Variants in MAPK10 observed in about 807,000 individuals in gnomAD.
MAPK10 encodes the protein JNK3 alpha protein kinase.
A neutral mutation model predicts 59.3 loss-of-function variants in MAPK10; 25 were observed. The ratio of observed to expected loss-of-function variants is 0.42; its 90% CI spans 0.31 to 0.59. The LOEUF (loss-of-function observed/expected upper bound fraction) is 0.59. Among genes scored for constraint, MAPK10 ranks in the 20% least tolerant of loss-of-function variants. The probability of loss-of-function intolerance (pLI) is 0.15; values close to 1 mark genes in which losing one functional copy is unlikely to be tolerated. For missense variants in MAPK10, 351 were observed against 568.9 expected, an observed-to-expected ratio of 0.62 and a Z score of 3.90; for synonymous variants, 190 against 200.5, an observed-to-expected ratio of 0.95 and a Z score of 0.44.
chr4:86,381,007 T>C (rs1740623040), intron 1 of MAPK10, among the ~76,000 whole-genome samples: 1 of 152,166 alleles, frequency 6.6e-6, no homozygotes, highest in Non-Finnish European at 1.5e-5. Context: ...TGCAAACTCA[T>C]TGTTCTAGAC....
rs571179930 is a variant in MAPK10 at position 86,207,084 on chromosome 4, C to G, written c.-6-12677G>C. Among the ~76,000 whole-genome samples the G allele has an allele frequency of 2.8e-3, 419 of 151,342 alleles. 1 individual carries two copies. The highest frequency in any genetic ancestry group is 9.5e-3 in the African/African-American group (392 of 41,090). ...CATTTGTCAATTTTGTCTTTTGTTG[C>G]CATTGCTTTTGGTGTTTTAGACATG... On this transcript the variant is annotated intron_variant, in intron 2 of 13. Coordinates refer to ENST00000641462, the MANE Select transcript of MAPK10 (RefSeq NM_138982.4).
intron 4 of MAPK10, among the ~76,000 whole-genome samples, chr4:86,131,147 C>T (rs933339619): frequency 6.6e-6 from 1 of 152,024 alleles, no homozygotes; most frequent in Non-Finnish European, 1.5e-5. Context: ...AAAATAAGTG[C>T]TAGTATCAAA....
intron 2 of MAPK10, among the ~76,000 whole-genome samples, chr4:86,348,922 G>T (rs1212680737): frequency 2.0e-5 from 3 of 152,082 alleles, no homozygotes. Context: ...TCCACCACAA[G>T]ATATGTTTTC....
intron 2 of MAPK10, among the ~76,000 whole-genome samples, chr4:86,232,977 G>A (rs914841342): frequency 2.0e-5 from 3 of 152,174 alleles, no homozygotes; most frequent in Non-Finnish European, 2.9e-5. Context: ...TGGAAGGGGC[G>A]ACTGCTTGTG....
At chr4:86,435,758 T>C (rs1748641458) in intron 1 of MAPK10, among the ~76,000 whole-genome samples, 1 of 152,142 alleles carries the variant, frequency 6.6e-6, no homozygotes, top group Non-Finnish European at 1.5e-5. Context: ...TAAAACCCAA[T>C]TTCTGGAGTG....
At chr4:86,349,496 C>T (rs1317715594) in intron 2 of MAPK10, among the ~76,000 whole-genome samples, 4 of 151,986 alleles carry the variant, frequency 2.6e-5, no homozygotes, top group African/African-American at 7.3e-5. Flanking sequence ...CTCAAAATAC[C>T]CCCTGGCTAA....
chr4:86,467,769 C>T (rs1191927927), intron 1 of MAPK10, among the ~76,000 whole-genome samples: 13 of 152,202 alleles, frequency 8.5e-5, no homozygotes, highest in African/African-American at 1.4e-4. Flanking sequence ...CCGCGCACCT[C>T]GGCCTCCCAA....
chr4:86,231,678 A>G (rs1362899152), intron 2 of MAPK10, among the ~76,000 whole-genome samples: 1 of 152,026 alleles, frequency 6.6e-6, no homozygotes, highest in African/African-American at 2.4e-5. Context: ...AGAAAAAAGA[A>G]AAAAGAAAAA....
chr4:86,267,409 C>G (rs1353674614), intron 2 of MAPK10, among the ~76,000 whole-genome samples: 5 of 152,170 alleles, frequency 3.3e-5, no homozygotes, highest in South Asian at 2.1e-4. Context: ...ACTCTGCCCC[C>G]TCAAGTACAA....
At chr4:86,463,421 T>C (rs1046294065) in intron 1 of MAPK10, among the ~76,000 whole-genome samples, 1 of 152,190 alleles carries the variant, frequency 6.6e-6, no homozygotes, top group African/African-American at 2.4e-5. Flanking sequence ...GGGCAAGCAA[T>C]TGAACCTACT....
intron 1 of MAPK10, among the ~76,000 whole-genome samples, chr4:86,501,431 AT>A (rs1173757443): frequency 6.6e-6 from 1 of 152,042 alleles, no homozygotes; most frequent in Non-Finnish European, 1.5e-5. Flanking sequence ...CTAAAATATC[AT>A]TTTATTGTGT....
At chr4:86,112,961 T>C (rs1170971439) in intron 4 of MAPK10, among the ~76,000 whole-genome samples, 2 of 151,936 alleles carry the variant, frequency 1.3e-5, no homozygotes, top group Non-Finnish European at 2.9e-5. Context: ...CTTACAATTA[T>C]GTAATGTCCT....
rs192924490 is a variant in MAPK10, at chr4:86,241,729, A to T, written c.-6-47322T>A. Among the ~76,000 whole-genome samples the T allele has an allele frequency of 1.4e-3, 218 of 152,168 alleles. 1 individual carries two copies. The highest frequency in any genetic ancestry group is 4.8e-3 in the African/African-American group (199 of 41,522). On this transcript the variant is annotated intron_variant, in intron 2 of 13. Transcript: ENST00000641462. ...GGTTATTCTAATTAGCAATTCCTCTAACCTTTTATCAAGGTTCTTGGCTTC... is the reference window on the plus strand; with the variant it reads ...GGTTATTCTAATTAGCAATTCCTCTTACCTTTTATCAAGGTTCTTGGCTTC...
intron 1 of MAPK10, among the ~76,000 whole-genome samples, chr4:86,556,411 A>C (rs1942420208): frequency 6.6e-6 from 1 of 152,182 alleles, no homozygotes. Flanking sequence ...ATATCATAAT[A>C]AGCCTTACTC....
At chr4:86,274,800 T>C (rs1213822371) in intron 2 of MAPK10, among the ~76,000 whole-genome samples, 1 of 151,996 alleles carries the variant, frequency 6.6e-6, no homozygotes, top group Non-Finnish European at 1.5e-5. Context: ...CTCAAGATAT[T>C]TTAAGGTACT....
intron 2 of MAPK10, among the ~76,000 whole-genome samples, chr4:86,351,134 T>C (rs1179757000): frequency 6.6e-6 from 1 of 152,020 alleles, no homozygotes; most frequent in Non-Finnish European, 1.5e-5. Flanking sequence ...CCCTAAAATT[T>C]ATGAGCCTGT....
chr4:86,548,593 G>T (rs758891677), intron 1 of MAPK10, among the ~76,000 whole-genome samples: 15 of 152,190 alleles, frequency 9.9e-5, no homozygotes, highest in Non-Finnish European at 1.8e-4. Flanking sequence ...CTAGTGATAG[G>T]TTCCCCTTTG....
chr4:86,323,997 C>A (rs574524596), intron 2 of MAPK10, among the ~76,000 whole-genome samples: 1 of 152,108 alleles, frequency 6.6e-6, no homozygotes, highest in Admixed American at 6.5e-5. Context: ...ATAACTAAAT[C>A]TAAATAGTAT....
chr4:86,471,437 T>C (rs1026344623), intron 1 of MAPK10, among the ~76,000 whole-genome samples: 7 of 152,134 alleles, frequency 4.6e-5, no homozygotes, highest in African/African-American at 1.7e-4. Flanking sequence ...GAAAACTGAA[T>C]CTAATGGATG....
Sources: allele counts gnomAD v4.1 joint callset (sites outside exome capture counted in the v4.1 genomes callset), GRCh38; gene constraint gnomAD v4.1.1; transcripts MANE v1.5; gene names NCBI Gene and HGNC (gene_info 2026-07-23, HGNC 2026-07-21).